C8orf76: variants seen among roughly 807,000 people sequenced by gnomAD.
The protein encoded by C8orf76 is uncharacterized protein C8orf76.
Under a neutral mutation model 38.1 loss-of-function variants are expected in C8orf76, and 46 were observed. That is an observed-to-expected ratio of 1.21 (90% CI 0.95 to 1.54). The LOEUF is 1.54. Ranked by LOEUF, C8orf76 falls within the 40% of genes most tolerant of loss-of-function variation. The pLI, the probability that C8orf76 is intolerant of heterozygous loss-of-function variation, is 0.00. For missense variants in C8orf76, 461 were observed against 441.6 expected (o/e 1.04, Z -0.39); for synonymous variants, 166 against 167.5 (o/e 0.99, Z 0.07).
intron 3 of C8orf76, chr8:123,236,783 C>CAA (rs34417634): frequency 1.4e-3 from 572 of 404,300 alleles, no homozygotes; most frequent in African/African-American, 2.4e-3. Context: ...GACTCTGTCT[C>CAA]AAAAAAAAAA....
intron 4 of C8orf76, among the ~76,000 whole-genome samples, chr8:123,229,704 T>C (rs1348484441): frequency 1.3e-5 from 2 of 152,186 alleles, no homozygotes; most frequent in Admixed American, 1.3e-4. Flanking sequence ...TAAACAAGCA[T>C]CCACTGAATA....
intron 5 of C8orf76, among the ~76,000 whole-genome samples, chr8:123,220,765 T>C (rs1824876981): frequency 6.6e-6 from 1 of 152,186 alleles, no homozygotes; most frequent in African/African-American, 2.4e-5. Flanking sequence ...AAGGAGCCCG[T>C]TACCAATGAA....
intron 3 of C8orf76, among the ~76,000 whole-genome samples, chr8:123,233,706 G>A (rs931770286): frequency 6.6e-6 from 1 of 151,938 alleles, no homozygotes; most frequent in Non-Finnish European, 1.5e-5. Context: ...GGTTTTGAGA[G>A]GTGGATTAGT....
chr8:123,222,900 A>C (rs1824927417), intron 5 of C8orf76, among the ~76,000 whole-genome samples: 1 of 152,220 alleles, frequency 6.6e-6, no homozygotes, highest in African/African-American at 2.4e-5. Flanking sequence ...GCTAGAGGAT[A>C]TATAAATTGA....
Position 123,220,086 on chromosome 8 carries a change from T to G in C8orf76, c.*17A>C. 1 of 1,530,616 alleles carries G rather than the reference T, an allele frequency of 6.5e-7. No individual in the cohort carries two copies. The highest frequency in any genetic ancestry group is 8.9e-7 in the Non-Finnish European group (1 of 1,118,936). 94.8% of individuals were successfully genotyped at this position (1,530,616 alleles called of 1,614,324 possible). On this transcript the variant is annotated 3_prime_UTR_variant, in exon 6 of 6. Coordinates refer to ENST00000276704, the MANE Select transcript of C8orf76 (RefSeq NM_032847.3). Reference sequence around the variant, plus strand: ...AATACAGTACAAGATATTTGTGGTTTTGTTTTTTATAACCCACTAAGCCAA... The same window carrying G: ...AATACAGTACAAGATATTTGTGGTTGTGTTTTTTATAACCCACTAAGCCAA...
At chr8:123,229,745 G>A (rs1288226470) in intron 4 of C8orf76, among the ~76,000 whole-genome samples, 1 of 152,178 alleles carries the variant, frequency 6.6e-6, no homozygotes, top group Non-Finnish European at 1.5e-5. Flanking sequence ...AGCTGGGAAC[G>A]GTAGCTCACT....
At chr8:123,239,250 T>G (rs1471986946) in intron 1 of C8orf76, 106 bp from the exon 2 acceptor site, 4 of 1,208,396 alleles carry the variant, frequency 3.3e-6, no homozygotes, top group Admixed American at 2.1e-5. Context: ...AAAAAAGACT[T>G]CTTCAAGAGT....
At chr8:123,233,326 C>T (rs565914632) in intron 3 of C8orf76, among the ~76,000 whole-genome samples, 22 of 151,858 alleles carry the variant, frequency 1.4e-4, no homozygotes, top group African/African-American at 5.1e-4. Context: ...GCCTCAAAAA[C>T]ATTTTGATAT....
chr8:123,236,745 C>A (rs1825498326), intron 3 of C8orf76: 2 of 445,916 alleles, frequency 4.5e-6, no homozygotes, highest in Admixed American at 3.5e-5. Context: ...GATCACTCCA[C>A]TGCACTCCAG....
Position 123,241,314 on chromosome 8 carries a change from C to T in C8orf76, c.33G>A (p.Glu11=). 6.4e-7 allele frequency: 1 copy of T among 1,572,988 alleles called. No homozygotes were observed. The highest frequency in any genetic ancestry group is 8.6e-7 in the Non-Finnish European group (1 of 1,164,670). ...TCTCCTCGAACACCGAGTCCTCGAA[C>T]TCGCCGCCGAACAACCAGCACCCGG... is the stretch of plus-strand genomic sequence containing the variant. MDSGCWLFGG[E]FEDSVFEERP... is the part of the protein sequence containing the mutation. Residue 11 remains glutamate (E), a synonymous_variant, in exon 1 of 6, where the codon GAG becomes GAA. Coordinates refer to ENST00000276704, the MANE Select transcript of C8orf76 (RefSeq NM_032847.3).
rs1825683463 is a variant in C8orf76 at position 123,241,376 on chromosome 8, G to A, written c.-30C>T. On this transcript the variant is annotated 5_prime_UTR_variant, in exon 1 of 6. Coordinates refer to ENST00000276704, the MANE Select transcript of C8orf76 (RefSeq NM_032847.3). ...CGCCCGCGGCGGGGGCAACGAGGAA[G>A]CGGGGCCCGCCGGAAAAGGCGGGGC... The A allele has an allele frequency of 1.3e-6, 2 of 1,530,108 alleles. No individual in the cohort carries two copies. Among genetic ancestry groups the A allele is most frequent in the African/African-American group, 1.5e-5 (1 of 68,242 alleles). The allele number at this position is 1,530,108 out of a possible 1,614,324, so 94.8% of individuals were successfully genotyped here. A position where few individuals can be genotyped will look rare whatever the true frequency, so the allele number is the denominator to read the frequency against.
At chr8:123,221,825 C>T (rs1168427661) in intron 5 of C8orf76, among the ~76,000 whole-genome samples, 1 of 152,056 alleles carries the variant, frequency 6.6e-6, no homozygotes, top group Non-Finnish European at 1.5e-5. Flanking sequence ...GGGAAGATGC[C>T]GTGAGCCCAG....
At position 123,226,532 on chromosome 8, in the gene C8orf76, A is replaced by G; in HGVS notation, c.916T>C (p.Phe306Leu). Residue 306 changes from phenylalanine to leucine, a missense_variant, in exon 5 of 6, where the codon TTC becomes CTC. Coordinates refer to ENST00000276704, the MANE Select transcript of C8orf76 (RefSeq NM_032847.3). ...ATCAACAGCAAAGTGTCTTCTTTGA[A>G]GCTGAACCCTTTCATTTTATCTTCA... Reference protein sequence around the residue: ...EIEDKMKGFSFKEDTLLLIAE... With the variant: ...EIEDKMKGFSLKEDTLLLIAE... The G allele has an allele frequency of 6.2e-7, 1 of 1,613,620 alleles. No homozygotes were observed. Among genetic ancestry groups the G allele is most frequent in the Non-Finnish European group, 8.5e-7 (1 of 1,179,902 alleles).
intron 2 of C8orf76, chr8:123,238,662 G>T: frequency 6.2e-6 from 1 of 161,062 alleles, no homozygotes; most frequent in Non-Finnish European, 1.4e-5. Flanking sequence ...TTCTCATGCA[G>T]ATGAAATGAG....
In C8orf76 at chr8:123,237,843, A is replaced by G; in HGVS notation, c.312T>C (p.Ala104=). The G allele has an allele frequency of 6.2e-7, 1 of 1,614,096 alleles. No homozygotes were observed. The change falls in exon 3 of 6, where the codon GCT becomes GCC. Residue 104 remains alanine, a synonymous_variant. Coordinates refer to ENST00000276704, the MANE Select transcript of C8orf76 (RefSeq NM_032847.3). ...DVQEGQARCL[A]HLGRHMEALE... Reference sequence around the variant, plus strand: ...GCGCCTCCATATGCCTACCCAGGTGAGCCAGACACCGAGCCTGACCTTCCT... The same window carrying G: ...GCGCCTCCATATGCCTACCCAGGTGGGCCAGACACCGAGCCTGACCTTCCT...
At chr8:123,237,206 C>G in intron 3 of C8orf76, 7 of 655,292 alleles carry the variant, frequency 1.1e-5, no homozygotes, top group Non-Finnish European at 1.4e-5. Context: ...TACCCCAAGA[C>G]GAAGGACAAA....
chr8:123,228,093 A>G (rs1363362307), intron 4 of C8orf76, among the ~76,000 whole-genome samples: 1 of 152,052 alleles, frequency 6.6e-6, no homozygotes, highest in Non-Finnish European at 1.5e-5. Flanking sequence ...CCACCTGTGC[A>G]TCCTCGAGAG....
chr8:123,240,302 G>C (rs939704204), intron 1 of C8orf76, among the ~76,000 whole-genome samples: 1 of 152,138 alleles, frequency 6.6e-6, no homozygotes, highest in Non-Finnish European at 1.5e-5. Context: ...AGGGCTGAAG[G>C]TAACTTTGAA....
intron 3 of C8orf76, chr8:123,236,904 A>G: frequency 8.9e-7 from 1 of 1,121,632 alleles, no homozygotes; most frequent in South Asian, 1.2e-5. Context: ...CTTGAGATCG[A>G]GCCCAGCAAC....
Sources: allele counts gnomAD v4.1 joint callset (sites outside exome capture counted in the v4.1 genomes callset), GRCh38; gene constraint gnomAD v4.1.1; transcripts MANE v1.5; gene names NCBI Gene and HGNC (gene_info 2026-07-23, HGNC 2026-07-21).